Variants in TMEM272 observed in about 807,000 individuals in gnomAD.
TMEM272 encodes the protein transmembrane protein 272, also known as long intergenic non-protein coding RNA 282.
TMEM272 carries 8 observed loss-of-function variants against 3.7 expected under a neutral mutation model. The ratio of observed to expected loss-of-function variants is 2.17; its 90% confidence interval spans 1.27 to 3.91. The LOEUF (loss-of-function observed/expected upper bound fraction) is 3.91, where lower values mean the gene tolerates loss of function less well. Among genes scored for constraint, TMEM272 ranks in the 30% most tolerant of loss-of-function variants. The probability of loss-of-function intolerance (pLI) is 0.00; values close to 1 mark genes in which losing one functional copy is unlikely to be tolerated. For synonymous variants in TMEM272, 63 were observed against 39.8 expected (o/e 1.58, Z -2.20); for missense variants, 166 against 91.5 (o/e 1.81, Z -3.32).
chr13:51,865,327 C>G, the TMEM272 span: 2 of 1,470,192 alleles, frequency 1.4e-6, no homozygotes, highest in South Asian at 2.7e-5. Context: ...CTGCTGCCCC[C>G]ACAGGGTCTG....
chr13:51,920,381 G>A, the TMEM272 span, among the ~76,000 whole-genome samples: 1 of 152,174 alleles, frequency 6.6e-6, no homozygotes, highest in African/African-American at 2.4e-5. Flanking sequence ...GCACAGGTGA[G>A]CCCTGAGGAG....
At chr13:51,869,492 T>A in the TMEM272 span, among the ~76,000 whole-genome samples, 1 of 36,070 alleles carries the variant, frequency 2.8e-5, no homozygotes, top group Non-Finnish European at 7.6e-5. Flanking sequence ...AATTCAGTAA[T>A]TTTTTTTTTT....
the TMEM272 span, among the ~76,000 whole-genome samples, chr13:51,888,624 T>C: frequency 6.8e-6 from 1 of 146,346 alleles, no homozygotes; most frequent in African/African-American, 2.5e-5. Context: ...TTAATCCTTT[T>C]TCTTTTTTCT....
the TMEM272 span, among the ~76,000 whole-genome samples, chr13:51,914,050 AG>A: frequency 6.6e-6 from 1 of 152,218 alleles, no homozygotes; most frequent in East Asian, 1.9e-4. Flanking sequence ...AGCCCTCTGC[AG>A]GTGTGAGATG....
At chr13:51,857,727 T>C in the TMEM272 span, among the ~76,000 whole-genome samples, 2 of 151,360 alleles carry the variant, frequency 1.3e-5, no homozygotes, top group African/African-American at 4.8e-5. Context: ...CAGGTAGGAG[T>C]AGAAAAAACA....
At chr13:51,847,039 G>A (rs1166624204), upstream of TMEM272, among the ~76,000 whole-genome samples, 1 of 152,118 alleles carries the variant, frequency 6.6e-6, no homozygotes, top group African/African-American at 2.4e-5. Context: ...CTATACAGGT[G>A]CACCATTTTT....
At chr13:51,822,601 G>T (rs1000125818) in intron 3 of TMEM272, among the ~76,000 whole-genome samples, 3 of 151,818 alleles carry the variant, frequency 2.0e-5, no homozygotes, top group Admixed American at 6.6e-5. Context: ...TGCTTCCAGG[G>T]GCCAGGTGGC....
the TMEM272 span, among the ~76,000 whole-genome samples, chr13:51,914,281 G>T: frequency 6.6e-6 from 1 of 152,154 alleles, no homozygotes; most frequent in East Asian, 1.9e-4. Flanking sequence ...TGAATAACTC[G>T]ATGAGGTGGG....
At chr13:51,858,730 T>A in the TMEM272 span, among the ~76,000 whole-genome samples, 1 of 152,170 alleles carries the variant, frequency 6.6e-6, no homozygotes, top group African/African-American at 2.4e-5. Context: ...ACGAAATTTA[T>A]TGGGTGTAAA....
intron 4 of TMEM272, among the ~76,000 whole-genome samples, chr13:51,821,720 G>A (rs905810701): frequency 7.5e-6 from 1 of 133,744 alleles, no homozygotes; most frequent in African/African-American, 2.8e-5. Context: ...CAGCAGCAGC[G>A]CAGAGAAAGA....
At chr13:51,853,049 TA>T in the TMEM272 span, among the ~76,000 whole-genome samples, 1 of 152,084 alleles carries the variant, frequency 6.6e-6, no homozygotes, top group Non-Finnish European at 1.5e-5. Flanking sequence ...ATATGTTTTG[TA>T]TGTTATATGT....
At chr13:51,852,379 G>A in the TMEM272 span, among the ~76,000 whole-genome samples, 1 of 152,124 alleles carries the variant, frequency 6.6e-6, no homozygotes, top group Non-Finnish European at 1.5e-5. Flanking sequence ...TTTATAAAAC[G>A]GGCACTGTGG....
intron 2 of TMEM272, among the ~76,000 whole-genome samples, chr13:51,834,339 C>T (rs1956197479): frequency 2.6e-5 from 4 of 152,118 alleles, no homozygotes; most frequent in Admixed American, 2.6e-4. Flanking sequence ...CAGGAGCACA[C>T]CCTGCCCCAG....
At position 51,817,105 on chromosome 13, in the gene TMEM272, G is replaced by C; in HGVS notation, c.210C>G (p.Leu70=). 3 of 701,670 alleles carry C rather than the reference G, an allele frequency of 4.3e-6. No individual in the cohort carries two copies. The highest frequency in any genetic ancestry group is 7.8e-6 in the Non-Finnish European group (3 of 383,852). The allele number at this position is 701,670 out of a possible 1,614,324, so 43.5% of individuals were successfully genotyped here. The change falls in exon 5 of 5, where the codon CTC becomes CTG. Residue 70 remains leucine (L), a synonymous_variant. Transcript: ENST00000629372. ...GGIVGTLKVS[L]LLYDSTRMRR... is the part of the protein sequence containing the mutation. Reference sequence around the variant, plus strand: ...TCATCCTGGTGGAGTCGTACAACAGGAGAGACACCTGGGGCGTGGTGGGGA... The same window carrying C: ...TCATCCTGGTGGAGTCGTACAACAGCAGAGACACCTGGGGCGTGGTGGGGA...
At chr13:51,840,544 C>T (rs1446038843) in intron 1 of TMEM272, among the ~76,000 whole-genome samples, 1 of 152,092 alleles carries the variant, frequency 6.6e-6, no homozygotes, top group Non-Finnish European at 1.5e-5. Context: ...GGGCTGAGCA[C>T]CCAAGGTTTT....
At chr13:51,933,663 C>T in the TMEM272 span, 1 of 152,218 alleles carries the variant, frequency 6.6e-6, no homozygotes, top group Non-Finnish European at 1.5e-5. Flanking sequence ...CTCAGGGAGG[C>T]TGTGTTTTCC....
the TMEM272 span, among the ~76,000 whole-genome samples, chr13:51,889,634 GT>G: frequency 0.065 from 9,642 of 147,694 alleles, 334 homozygotes; most frequent in Middle Eastern, 0.11. Context: ...TTGTGTGTGT[GT>G]GGGGGGGTTT....
chr13:51,876,481 A>C, the TMEM272 span, among the ~76,000 whole-genome samples: 10 of 152,034 alleles, frequency 6.6e-5, no homozygotes, highest in African/African-American at 9.7e-5. Flanking sequence ...CACATCTACA[A>C]AGATTGTTCT....
the TMEM272 span, among the ~76,000 whole-genome samples, chr13:51,911,812 A>G: frequency 6.6e-6 from 1 of 151,970 alleles, no homozygotes; most frequent in Non-Finnish European, 1.5e-5. Flanking sequence ...CTTGCCCGAG[A>G]CAGAGCCTCC....
Sources: gnomAD v4.1 joint callset for allele counts (sites outside exome capture counted in the v4.1 genomes callset) on GRCh38, gnomAD v4.1.1 for gene constraint, MANE v1.5 for transcripts, NCBI Gene and HGNC (gene_info 2026-07-23, HGNC 2026-07-21) for gene names.